FAM120B: variants seen among roughly 807,000 people sequenced by gnomAD.
FAM120B encodes the protein family with sequence similarity 120 member B.
In FAM120B, 83 loss-of-function variants were observed where a neutral mutation model predicts 96.3. That is an observed-to-expected ratio of 0.86 (90% CI 0.72 to 1.03). FAM120B has a LOEUF of 1.03. FAM120B is among the 50% of genes least tolerant of loss of function. FAM120B has a pLI of 0.00. For synonymous variants in FAM120B, 407 were observed against 402.7 expected, an observed-to-expected ratio of 1.01 and a Z score of -0.13; for missense variants, 1,027 against 1,121.2, an observed-to-expected ratio of 0.92 and a Z score of 1.20.
At chr6:170,380,607 G>A (rs150567631) in intron 6 of FAM120B, among the ~76,000 whole-genome samples, 18 of 152,266 alleles carry the variant, frequency 1.2e-4, no homozygotes, top group African/African-American at 3.4e-4. Flanking sequence ...GATTAGTGTC[G>A]GACACCTTGC....
At chr6:170,400,863 C>G (rs1778539269) in intron 9 of FAM120B, among the ~76,000 whole-genome samples, 1 of 152,168 alleles carries the variant, frequency 6.6e-6, no homozygotes, top group Non-Finnish European at 1.5e-5. Context: ...ATCTGCTTCT[C>G]CCAGGGCTCC....
At chr6:170,329,906 T>C (rs1001318495) in intron 3 of FAM120B, among the ~76,000 whole-genome samples, 8 of 152,154 alleles carry the variant, frequency 5.3e-5, no homozygotes, top group African/African-American at 1.9e-4. Context: ...TCTGCCCAAC[T>C]TGAGCAGCTG....
chr6:170,349,732 T>G (rs184085107), intron 5 of FAM120B, among the ~76,000 whole-genome samples: 21 of 152,288 alleles, frequency 1.4e-4, no homozygotes, highest in Non-Finnish European at 1.5e-4. Context: ...AGAGGCTGAT[T>G]AGAAGCAGCT....
intron 6 of FAM120B, among the ~76,000 whole-genome samples, chr6:170,360,972 G>A (rs1317466764): frequency 6.6e-6 from 1 of 151,752 alleles, no homozygotes; most frequent in Non-Finnish European, 1.5e-5. Flanking sequence ...ACTGCTTCAC[G>A]TTGCAGTCGT....
Position 170,323,232 on chromosome 6 carries a change from TACTC to T in FAM120B, c.1893_1896del (p.Leu632TyrfsTer13). On this transcript the variant is annotated frameshift_variant, in exon 3 of 11. Coordinates refer to ENST00000476287, the MANE Select transcript of FAM120B (RefSeq NM_032448.3). LOFTEE classifies it high-confidence loss of function. Reference sequence around the variant, plus strand: ...TTACCGTCCCATTCGACAGCGGGTCTACTCACTCTTACTGGAGGACTGTCAAGGT... The same window carrying T: ...TTACCGTCCCATTCGACAGCGGGTCTACTCTTACTGGAGGACTGTCAAGGT... 1 of 1,613,860 alleles carries T rather than the reference TACTC, an allele frequency of 6.2e-7. No individual in the cohort carries two copies. The highest frequency in any genetic ancestry group is 8.5e-7 in the Non-Finnish European group (1 of 1,179,866).
At chr6:170,331,949 A>G (rs549732165) in intron 4 of FAM120B, among the ~76,000 whole-genome samples, 4 of 152,338 alleles carry the variant, frequency 2.6e-5, no homozygotes, top group African/African-American at 9.6e-5. Context: ...TCATTTTCAC[A>G]GCTATTATTC....
chr6:170,292,317 C>T (rs763099748), upstream of FAM120B, among the ~76,000 whole-genome samples: 15 of 152,198 alleles, frequency 9.9e-5, no homozygotes, highest in African/African-American at 1.7e-4. The surrounding 1 kb of genome is among the most constrained non-coding windows in gnomAD (Gnocchi z 6.6). Flanking sequence ...AAATTGCCCT[C>T]CTAGGCACGA....
In FAM120B at chr6:170,323,108, A is replaced by G; in HGVS notation, c.1764A>G (p.Glu588=). The G allele has an allele frequency of 6.2e-7, 1 of 1,613,490 alleles. No individual in the cohort carries two copies. Among genetic ancestry groups the G allele is most frequent in the South Asian group, 1.1e-5 (1 of 90,952 alleles). ...KVARTHHVQA[E]SYLVYNIMSS... is the part of the protein sequence containing the mutation. ...CTAGAACACATCACGTCCAAGCAGA[A>G]AGCTACCTGGTGTACAACATCATGA... The change falls in exon 3 of 11, where the codon GAA becomes GAG. Residue 588 remains glutamate, a synonymous_variant. Coordinates refer to ENST00000476287, the MANE Select transcript of FAM120B (RefSeq NM_032448.3).
intron 6 of FAM120B, among the ~76,000 whole-genome samples, chr6:170,361,182 C>CTA (rs564683415): frequency 0.075 from 5,630 of 75,490 alleles, 316 homozygotes; most frequent in Non-Finnish European, 0.1. Flanking sequence ...AGCCTTAAAA[C>CTA]TATATATATA....
intron 9 of FAM120B, among the ~76,000 whole-genome samples, chr6:170,403,944 C>T (rs1240360385): frequency 6.6e-6 from 1 of 152,176 alleles, no homozygotes; most frequent in Non-Finnish European, 1.5e-5. Context: ...AGGAGTGGGT[C>T]AGAGGAGAGG....
chr6:170,383,831 A>G (rs1480069975), intron 6 of FAM120B, among the ~76,000 whole-genome samples: 2 of 152,218 alleles, frequency 1.3e-5, no homozygotes, highest in Non-Finnish European at 2.9e-5. Flanking sequence ...ATGAATATTC[A>G]TAGCAGCTGT....
At chr6:170,327,256 C>T (rs928457070) in intron 3 of FAM120B, among the ~76,000 whole-genome samples, 3 of 151,956 alleles carry the variant, frequency 2.0e-5, no homozygotes, top group Non-Finnish European at 4.4e-5. Flanking sequence ...CTGTGTTAGC[C>T]AGGATGATCT....
chr6:170,388,226 T>G, intron 6 of FAM120B, 61 bp from the exon 7 acceptor site: 1 of 1,439,014 alleles, frequency 6.9e-7, no homozygotes, highest in Non-Finnish European at 9.7e-7. Context: ...AGAGCTGAGA[T>G]CTGTTTCCTG....
chr6:170,374,245 A>G (rs1380879208), intron 6 of FAM120B, among the ~76,000 whole-genome samples: 1 of 152,174 alleles, frequency 6.6e-6, no homozygotes, highest in African/African-American at 2.4e-5. Context: ...TGTTTTGCCC[A>G]TTTTGGATTT....
At chr6:170,384,004 A>C (rs1183399333) in intron 6 of FAM120B, among the ~76,000 whole-genome samples, 1 of 152,202 alleles carries the variant, frequency 6.6e-6, no homozygotes, top group East Asian at 1.9e-4. Flanking sequence ...AATGGATCTC[A>C]AGGGAATTAT....
At chr6:170,395,062 G>A (rs1188835198) in intron 8 of FAM120B, among the ~76,000 whole-genome samples, 1 of 152,248 alleles carries the variant, frequency 6.6e-6, no homozygotes, top group East Asian at 1.9e-4. Flanking sequence ...CACGAAAAGT[G>A]TGTGTGAGTG....
chr6:170,348,148 T>C lies in FAM120B; in HGVS notation c.2018-3T>C, dbSNP rs1026770991. The stretch of plus-strand genomic sequence containing the variant: ...TAGTTAATGGACTTTTTTTCTTAAC[T>C]AGGGGGAACGCCTAGTTTGAAAATA... On this transcript the variant is annotated splice_region_variant and splice_polypyrimidine_tract_variant and intron_variant, in intron 4 of 10. Transcript: ENST00000476287. The C allele has an allele frequency of 4.3e-6, 7 of 1,612,346 alleles. No individual in the cohort carries two copies. Among genetic ancestry groups the C allele is most frequent in the African/African-American group, 2.7e-5 (2 of 74,760 alleles).
chr6:170,395,907 G>C (rs1442769781), intron 9 of FAM120B, among the ~76,000 whole-genome samples: 2 of 152,148 alleles, frequency 1.3e-5, no homozygotes, highest in Non-Finnish European at 2.9e-5. Context: ...CATGAAAAAA[G>C]GACAGGTTAT....
intron 6 of FAM120B, among the ~76,000 whole-genome samples, chr6:170,383,179 G>A (rs542782136): frequency 9.5e-4 from 144 of 151,646 alleles, no homozygotes; most frequent in African/African-American, 3.1e-3. Context: ...GAAATTAACT[G>A]TAAAACATAA....
Sources: allele counts gnomAD v4.1 joint callset (sites outside exome capture counted in the v4.1 genomes callset), GRCh38; gene constraint gnomAD v4.1.1; non-coding constraint Gnocchi (gnomAD v3.1); transcripts MANE v1.5; gene names NCBI Gene and HGNC (gene_info 2026-07-23, HGNC 2026-07-21).